C2CD3: variants seen among roughly 807,000 people sequenced by gnomAD.
C2CD3 encodes the protein C2 domain-containing protein 3.
C2CD3 carries 148 observed loss-of-function variants against 234.0 expected under a neutral mutation model. That is an observed-to-expected ratio of 0.63 (90% CI 0.55 to 0.72). The LOEUF is 0.72. C2CD3 is among the 30% of genes least tolerant of loss of function. The pLI, the probability that C2CD3 is intolerant of heterozygous loss-of-function variation, is 0.00. For synonymous variants in C2CD3, 1,000 were observed against 1,035.4 expected (o/e 0.97, Z 0.66); for missense variants, 2,577 against 2,811.5 (o/e 0.92, Z 1.89).
chr11:74,078,927 G>A (rs1033259315), intron 22 of C2CD3, among the ~76,000 whole-genome samples: 1 of 152,172 alleles, frequency 6.6e-6, no homozygotes, highest in Admixed American at 6.5e-5. Context: ...GAAGATCTGA[G>A]TTCTCTTTGG....
At chr11:74,059,164 G>C (rs1233826528) in intron 24 of C2CD3, among the ~76,000 whole-genome samples, 2 of 152,082 alleles carry the variant, frequency 1.3e-5, no homozygotes, top group Non-Finnish European at 2.9e-5. Flanking sequence ...TTCTGTATGT[G>C]TATTCTAACT....
intron 7 of C2CD3, among the ~76,000 whole-genome samples, chr11:74,131,271 C>T (rs995226732): frequency 4.7e-5 from 7 of 149,618 alleles, no homozygotes; most frequent in East Asian, 2.0e-4. Flanking sequence ...TGCAGTAAGC[C>T]GAGATCAAGC....
rs575733451 is a variant in C2CD3 at position 74,032,452 on chromosome 11, T to C, written c.6809+899A>G. On this transcript the variant is annotated intron_variant, in intron 31 of 32. Coordinates refer to ENST00000334126, the MANE Select transcript of C2CD3 (RefSeq NM_001286577.2). ...TTCCTTTCCCCATAACATGCCAGTC[T>C]GTGTTTAAAAGGAAGGAGTGGGGAA... 4.0e-5 allele frequency among the ~76,000 whole-genome samples: 6 copies of C among 151,756 alleles called. No individual in the cohort carries two copies. The East Asian group carries it at 1.2e-3, about 29-fold the overall frequency.
chr11:74,122,236 CTA>C (rs1044652704), intron 8 of C2CD3, among the ~76,000 whole-genome samples: 1 of 152,202 alleles, frequency 6.6e-6, no homozygotes, highest in African/African-American at 2.4e-5. Context: ...TCTCAAAACA[CTA>C]TCTTTCAATC....
At chr11:74,069,383 G>T (rs912342801) in intron 24 of C2CD3, among the ~76,000 whole-genome samples, 1 of 152,178 alleles carries the variant, frequency 6.6e-6, no homozygotes, top group African/African-American at 2.4e-5. Flanking sequence ...CCCCCCACAG[G>T]GTTGGGACAC....
intron 9 of C2CD3, among the ~76,000 whole-genome samples, chr11:74,117,114 GAATATATATATA>G (rs1957025224): frequency 1.3e-4 from 4 of 30,030 alleles, no homozygotes; most frequent in African/African-American, 3.6e-4. Flanking sequence ...ATATATATAT[GAATATATATATA>G]TGAATATATA....
chr11:74,103,493 T>A lies in C2CD3; in HGVS notation c.2218A>T (p.Met740Leu). The change falls in exon 14 of 33, where the codon ATG becomes TTG. Residue 740 changes from methionine to leucine, a missense_variant. Transcript: ENST00000334126. Reference sequence around the variant, plus strand: ...TTTTGTGGATTTTTGGTACAGGTCATATCTTGGTTAAGTTCTGGTAGTGCC... The same window carrying A: ...TTTTGTGGATTTTTGGTACAGGTCAAATCTTGGTTAAGTTCTGGTAGTGCC... The part of the protein sequence containing the change: ...NKALPELNQD[M>L]TCTKNPQNLN... 1 of 1,614,220 alleles carries A rather than the reference T, an allele frequency of 6.2e-7. No homozygotes were observed. Among genetic ancestry groups the A allele is most frequent in the Non-Finnish European group, 8.5e-7 (1 of 1,180,028 alleles).
chr11:74,168,270 A>C (rs1856932834), intron 2 of C2CD3, 74 bp downstream of exon 2: 2 of 1,255,890 alleles, frequency 1.6e-6, no homozygotes, highest in African/African-American at 2.9e-5. Context: ...GGTACACAAC[A>C]ACACTTATTG....
chr11:74,054,533 G>T, intron 26 of C2CD3, 74 bp downstream of exon 26: 12 of 475,114 alleles, frequency 2.5e-5, no homozygotes, highest in Non-Finnish European at 3.9e-5. Flanking sequence ...AAAAAAAAAA[G>T]GAATGGTAGA....
chr11:74,150,514 A>AC (rs1855547862), intron 3 of C2CD3, among the ~76,000 whole-genome samples: 1 of 67,514 alleles, frequency 1.5e-5, no homozygotes. Flanking sequence ...AAAAAAAAAA[A>AC]ACAAAAAAAA....
At chr11:74,114,266 A>C in intron 10 of C2CD3, 118 bp downstream of exon 10, 1 of 721,392 alleles carries the variant, frequency 1.4e-6, no homozygotes, top group Non-Finnish European at 2.4e-6. Flanking sequence ...ATTTCTGTAG[A>C]TTAAATGATG....
chr11:74,111,188 G>GT (rs1956728661), intron 11 of C2CD3, among the ~76,000 whole-genome samples: 1 of 152,126 alleles, frequency 6.6e-6, no homozygotes, highest in African/African-American at 2.4e-5. Flanking sequence ...TTCCTCATCT[G>GT]TGAGTTTCCT....
At chr11:74,117,743 G>A (rs755053758) in intron 9 of C2CD3, among the ~76,000 whole-genome samples, 6 of 151,796 alleles carry the variant, frequency 4.0e-5, no homozygotes, top group African/African-American at 9.7e-5. Context: ...GAGAAACGCC[G>A]TCTCTACTAA....
At chr11:74,108,566 G>C (rs1590823901) in intron 12 of C2CD3, among the ~76,000 whole-genome samples, 1 of 152,240 alleles carries the variant, frequency 6.6e-6, no homozygotes, top group South Asian at 2.1e-4. Flanking sequence ...CCTGCAAACA[G>C]GAAGTAGAAC....
chr11:74,128,534 TTTTA>T (rs569604563), intron 7 of C2CD3: 133 of 152,608 alleles, frequency 8.7e-4, no homozygotes, highest in East Asian at 2.1e-3. Flanking sequence ...GTTTGATACA[TTTTA>T]TTTATTTATT....
chr11:74,132,681 A>G (rs1957713784), intron 7 of C2CD3, among the ~76,000 whole-genome samples, 163 bp downstream of exon 7: 1 of 152,238 alleles, frequency 6.6e-6, no homozygotes, highest in South Asian at 2.1e-4. Flanking sequence ...AAAGGGCTAA[A>G]GTATGGAGTT....
chr11:74,023,414 T>C (rs1445732654), intron 32 of C2CD3, among the ~76,000 whole-genome samples: 1 of 152,216 alleles, frequency 6.6e-6, no homozygotes, highest in African/African-American at 2.4e-5. Context: ...CAAATGTGGA[T>C]ACAGGACAGG....
chr11:74,067,842 C>T (rs567234558), intron 24 of C2CD3, among the ~76,000 whole-genome samples: 1 of 152,280 alleles, frequency 6.6e-6, no homozygotes, highest in South Asian at 2.1e-4. Context: ...GGTATGGATG[C>T]AAATTGGCCT....
At chr11:74,036,424 G>A (rs1952743935) in intron 30 of C2CD3, 2 of 455,842 alleles carry the variant, frequency 4.4e-6, no homozygotes, top group Non-Finnish European at 8.8e-6. Flanking sequence ...AAATATCCAA[G>A]CAAGTGGAAG....
Sources: gnomAD v4.1 joint callset for allele counts (sites outside exome capture counted in the v4.1 genomes callset) on GRCh38, gnomAD v4.1.1 for gene constraint, MANE v1.5 for transcripts, NCBI Gene and HGNC (gene_info 2026-07-23, HGNC 2026-07-21) for gene names.